The following PRIM2 variants were observed in gnomAD, a reference collection of about 807,000 sequenced individuals.
PRIM2 encodes the protein DNA primase subunit 2.
In PRIM2, 39 loss-of-function variants were observed where a neutral mutation model predicts 67.3. That is an observed-to-expected ratio of 0.58 (90% CI 0.45 to 0.76). The LOEUF is 0.76. PRIM2 is among the 30% of genes least tolerant of loss of function. PRIM2 has a pLI of 0.00. For missense variants in PRIM2, 398 were observed against 598.7 expected, an observed-to-expected ratio of 0.66 and a Z score of 3.50; for synonymous variants, 143 against 198.7, an observed-to-expected ratio of 0.72 and a Z score of 2.36.
intron 12 of PRIM2, among the ~76,000 whole-genome samples, chr6:57,619,288 C>A (rs1776809617): frequency 6.6e-6 from 1 of 152,200 alleles, no homozygotes; most frequent in Admixed American, 6.5e-5. Context: ...CCTAGACCTT[C>A]CCTCTGACAG....
At chr6:57,360,597 G>A (rs2127311553) in intron 5 of PRIM2, among the ~76,000 whole-genome samples, 1 of 152,320 alleles carries the variant, frequency 6.6e-6, no homozygotes, top group South Asian at 2.1e-4. Context: ...CTTAAGGAAT[G>A]GGAGTATCGT....
intron 7 of PRIM2, among the ~76,000 whole-genome samples, chr6:57,390,851 G>A (rs1770319044): frequency 2.0e-5 from 3 of 152,132 alleles, no homozygotes; most frequent in African/African-American, 7.2e-5. Flanking sequence ...GAACATTGGT[G>A]TACATATGTC....
chr6:57,393,496 T>C (rs1478056478), intron 7 of PRIM2, among the ~76,000 whole-genome samples: 2 of 152,184 alleles, frequency 1.3e-5, no homozygotes, highest in Non-Finnish European at 2.9e-5. Flanking sequence ...CACTTTTTGA[T>C]GGAATTGTTT....
At chr6:57,241,391 A>T in the PRIM2 span, among the ~76,000 whole-genome samples, 9 of 152,038 alleles carry the variant, frequency 5.9e-5, no homozygotes, top group Admixed American at 2.0e-4. Context: ...CCTGGATGAC[A>T]GAGTGAGACC....
chr6:57,264,540 ACCCCTCTAATACCAATGT>A, the PRIM2 span, among the ~76,000 whole-genome samples: 5 of 150,310 alleles, frequency 3.3e-5, no homozygotes, highest in Non-Finnish European at 7.4e-5. Context: ...AACAGTTGCA[ACCCCTCTAATACCAATGT>A]GATGAGGGGT....
At chr6:57,508,041 A>G (rs1554347364) in intron 8 of PRIM2, among the ~76,000 whole-genome samples, 23 of 152,152 alleles carry the variant, frequency 1.5e-4, no homozygotes, top group Non-Finnish European at 2.6e-4. Flanking sequence ...GATTCAAACA[A>G]TTCTTGTGCC....
chr6:57,501,744 C>G (rs1581956484), intron 7 of PRIM2, among the ~76,000 whole-genome samples: 1 of 152,204 alleles, frequency 6.6e-6, no homozygotes, highest in East Asian at 1.9e-4. Flanking sequence ...TGTTTAAACA[C>G]ACACTTTTAT....
At chr6:57,595,754 A>G (rs1487424215) in intron 10 of PRIM2, among the ~76,000 whole-genome samples, 1 of 152,198 alleles carries the variant, frequency 6.6e-6, no homozygotes, top group East Asian at 1.9e-4. Context: ...TGGACCTTCC[A>G]TGCCCTCTCT....
intron 7 of PRIM2, among the ~76,000 whole-genome samples, chr6:57,397,377 G>C (rs370965777): frequency 6.6e-6 from 1 of 151,832 alleles, no homozygotes; most frequent in Non-Finnish European, 1.5e-5. Flanking sequence ...TATTCTTTTT[G>C]CTTTGTCTTT....
chr6:57,606,477 C>G lies in PRIM2; in HGVS notation c.1230+20C>G, dbSNP rs1171947976. 14 of 1,542,670 alleles carry G rather than the reference C, an allele frequency of 9.1e-6. No homozygotes were observed. The highest frequency in any genetic ancestry group is 1.4e-5 in the African/African-American group (1 of 73,554). ...AGCCAGGTAGGTCATATTCTTCTCTCTGCATCTGCAGTAACGAGGCCTTAG... is the reference window on the plus strand; with the variant it reads ...AGCCAGGTAGGTCATATTCTTCTCTGTGCATCTGCAGTAACGAGGCCTTAG... On this transcript the variant is annotated intron_variant, in intron 12 of 13. Transcript: ENST00000615550.
chr6:57,614,588 C>T (rs1776721151), intron 12 of PRIM2, among the ~76,000 whole-genome samples: 1 of 152,114 alleles, frequency 6.6e-6, no homozygotes, highest in Admixed American at 6.5e-5. Flanking sequence ...TGGTGGCTCA[C>T]ACCTATAATC....
chr6:57,545,535 A>G (rs1775272063), intron 10 of PRIM2, among the ~76,000 whole-genome samples: 1 of 152,092 alleles, frequency 6.6e-6, no homozygotes, highest in African/African-American at 2.4e-5. Flanking sequence ...GGTTCAAGCT[A>G]TTCTCCTGCC....
the PRIM2 span, among the ~76,000 whole-genome samples, chr6:57,291,986 G>A: frequency 1.3e-5 from 2 of 152,178 alleles, no homozygotes; most frequent in Admixed American, 6.5e-5. Flanking sequence ...AGGGTTGGAA[G>A]TTCTGGCCAG....
At position 57,366,689 on chromosome 6, in the gene PRIM2, G is replaced by A. The variant is rs887546; in HGVS notation, c.460-13212G>A. Among the ~76,000 whole-genome samples the A allele has an allele frequency of 4.6e-5, 7 of 152,108 alleles. No individual in the cohort carries two copies. The South Asian group carries it at 6.2e-4, about 14-fold the overall frequency. On this transcript the variant is annotated intron_variant, in intron 5 of 13. Coordinates refer to ENST00000615550, the MANE Select transcript of PRIM2 (RefSeq NM_000947.5). ...CGTGCCTGTTCCAGTTTTAGTACTG[G>A]AAGTCCCACATCCTTAGAAACCTCT...
intron 5 of PRIM2, among the ~76,000 whole-genome samples, chr6:57,348,769 G>A (rs1427190081): frequency 1.8e-5 from 1 of 55,450 alleles, no homozygotes; most frequent in African/African-American, 6.9e-5. Context: ...TTTTTTTTTT[G>A]AGACAGAGTC....
At chr6:57,285,207 T>A in the PRIM2 span, among the ~76,000 whole-genome samples, 63 of 152,324 alleles carry the variant, frequency 4.1e-4, 2 homozygotes, top group South Asian at 0.012. Flanking sequence ...TAAAGACAGC[T>A]GGTACCATTC....
chr6:57,487,680 C>T (rs1773787053), intron 7 of PRIM2, among the ~76,000 whole-genome samples: 1 of 151,968 alleles, frequency 6.6e-6, no homozygotes, highest in South Asian at 2.1e-4. Flanking sequence ...TTTAAAGAAG[C>T]AAATTGAACA....
chr6:57,408,843 T>C (rs1770989240), intron 7 of PRIM2, among the ~76,000 whole-genome samples: 1 of 151,906 alleles, frequency 6.6e-6, no homozygotes, highest in Admixed American at 6.6e-5. Flanking sequence ...CCCAAGTAGC[T>C]AGGATTATAG....
At chr6:57,338,091 T>C (rs1768324259) in intron 5 of PRIM2, among the ~76,000 whole-genome samples, 1 of 151,452 alleles carries the variant, frequency 6.6e-6, no homozygotes, top group Admixed American at 6.6e-5. Context: ...TCTATGCAAA[T>C]AAACTAGAAA....
Sources: allele counts gnomAD v4.1 joint callset (sites outside exome capture counted in the v4.1 genomes callset), GRCh38; gene constraint gnomAD v4.1.1; transcripts MANE v1.5; gene names NCBI Gene and HGNC (gene_info 2026-07-23, HGNC 2026-07-21).